VPS13B: variants seen among roughly 807,000 people sequenced by gnomAD.
VPS13B encodes the protein vacuolar protein sorting 13 homolog B, also known as intermembrane lipid transfer protein VPS13B.
In VPS13B, 285 loss-of-function variants were observed where a neutral mutation model predicts 426.4. The ratio of observed to expected loss-of-function variants is 0.67; its 90% CI spans 0.61 to 0.74. The LOEUF (loss-of-function observed/expected upper bound fraction) is 0.74. Ranked by LOEUF, VPS13B falls within the 30% of genes least tolerant of loss-of-function variation. VPS13B has a pLI of 0.00. For synonymous variants in VPS13B, 1,676 were observed against 1,676.4 expected, an observed-to-expected ratio of 1.00 and a Z score of 0.01; for missense variants, 4,537 against 4,782.6, an observed-to-expected ratio of 0.95 and a Z score of 1.51.
At chr8:99,568,302 T>TTA (rs1563801014) in intron 31 of VPS13B, among the ~76,000 whole-genome samples, 10 of 149,276 alleles carry the variant, frequency 6.7e-5, no homozygotes, top group African/African-American at 2.3e-4. Flanking sequence ...TATTATTATT[T>TTA]TTTTTTGAGA....
At chr8:99,796,418 A>G (rs1219329173) in intron 43 of VPS13B, among the ~76,000 whole-genome samples, 1 of 152,054 alleles carries the variant, frequency 6.6e-6, no homozygotes, top group Non-Finnish European at 1.5e-5. Flanking sequence ...TTTTAAATGG[A>G]AGAGAGTTAG....
chr8:99,728,415 C>T (rs998649907), intron 39 of VPS13B, among the ~76,000 whole-genome samples: 15 of 152,072 alleles, frequency 9.9e-5, no homozygotes, highest in African/African-American at 9.7e-5. Flanking sequence ...GAGCATTTAG[C>T]GTAATGCCTT....
At chr8:99,502,193 A>G (rs577205189) in intron 26 of VPS13B, among the ~76,000 whole-genome samples, 157 of 152,170 alleles carry the variant, frequency 1.0e-3, no homozygotes, top group African/African-American at 3.6e-3. Flanking sequence ...CATGTTGGTG[A>G]GGCTGGTCTT....
intron 35 of VPS13B, among the ~76,000 whole-genome samples, chr8:99,688,456 C>T (rs1831511681): frequency 6.6e-6 from 1 of 151,936 alleles, no homozygotes; most frequent in African/African-American, 2.4e-5. Context: ...CAGTTTTTGG[C>T]TTGGGACCAG....
chr8:99,121,230 C>G lies in VPS13B; in HGVS notation c.991C>G (p.Gln331Glu). The G allele has an allele frequency of 6.2e-7, 1 of 1,614,006 alleles. No homozygotes were observed. Residue 331 changes from glutamine to glutamate, a missense_variant, in exon 8 of 62, where the codon CAA becomes GAA. By Grantham distance (29) the Gln-to-Glu change is conservative. This residue lies in a region of VPS13B where 4,311 missense variants were observed against 4,474.3 expected (regional missense o/e 0.96). Transcript: ENST00000357162. ...DMQYPAQHKGQELYSQQDEEQ... is the reference protein window; with the variant it reads ...DMQYPAQHKGEELYSQQDEEQ... ...GCAATATCCTGCTCAGCATAAAGGT[C>G]AAGAGTTATATTCACAGCAAGATGA... is the stretch of plus-strand genomic sequence containing the variant.
intron 16 of VPS13B, among the ~76,000 whole-genome samples, chr8:99,180,281 A>T (rs1239654348): frequency 6.6e-6 from 1 of 152,200 alleles, no homozygotes; most frequent in East Asian, 1.9e-4. Flanking sequence ...TCGAGCAAGT[A>T]TAGTATATAG....
At chr8:99,519,941 A>C (rs1260321411) in intron 29 of VPS13B, among the ~76,000 whole-genome samples, 2 of 152,196 alleles carry the variant, frequency 1.3e-5, no homozygotes, top group East Asian at 3.8e-4. Flanking sequence ...CCTAGAACTT[A>C]AAGTATAATA....
intron 24 of VPS13B, among the ~76,000 whole-genome samples, chr8:99,477,378 T>C (rs1487141676): frequency 5.9e-5 from 9 of 152,186 alleles, no homozygotes; most frequent in Admixed American, 5.9e-4. Context: ...AAAATATATT[T>C]GTTGTAAGGA....
At chr8:99,247,732 G>C (rs1347048685) in intron 17 of VPS13B, among the ~76,000 whole-genome samples, 1 of 152,072 alleles carries the variant, frequency 6.6e-6, no homozygotes, top group Non-Finnish European at 1.5e-5. Flanking sequence ...ACTATAAGTA[G>C]TACACATACA....
At chr8:99,464,204 G>T (rs780807125) in intron 23 of VPS13B, among the ~76,000 whole-genome samples, 41 of 152,268 alleles carry the variant, frequency 2.7e-4, no homozygotes, top group Middle Eastern at 3.4e-3. Context: ...AAAAAACTGG[G>T]AGAAGAGGAA....
intron 3 of VPS13B, among the ~76,000 whole-genome samples, chr8:99,068,638 T>TG (rs1233191458): frequency 2.0e-5 from 3 of 152,134 alleles, no homozygotes; most frequent in Admixed American, 2.0e-4. Flanking sequence ...TCTGCATTGC[T>TG]GGGGAGGCCT....
At chr8:99,336,575 A>G (rs1268363598) in intron 19 of VPS13B, among the ~76,000 whole-genome samples, 1 of 152,156 alleles carries the variant, frequency 6.6e-6, no homozygotes, top group Non-Finnish European at 1.5e-5. Context: ...GAGTGCAGGC[A>G]ACCTACAAAA....
At position 99,556,608 on chromosome 8, in the gene VPS13B, A is replaced by G; in HGVS notation, c.4904A>G (p.Glu1635Gly). 1 of 1,613,240 alleles carries G rather than the reference A, an allele frequency of 6.2e-7. No homozygotes were observed. Among genetic ancestry groups the G allele is most frequent in the Non-Finnish European group, 8.5e-7 (1 of 1,179,488 alleles). The change falls in exon 31 of 62, where the codon GAA becomes GGA. Residue 1635 changes from glutamate (E) to glycine (G), a missense_variant. Coordinates refer to ENST00000357162, the MANE Select transcript of VPS13B (RefSeq NM_152564.5). The stretch of plus-strand genomic sequence containing the variant: ...TCAGGAGGGGTGGTAACAGAGACTG[A>G]AAGGAATTCTCAAAATCCAGCCCTT... ...SVSGGVVTET[E>G]RNSQNPALEW...
chr8:99,732,675 A>G (rs938183299), intron 39 of VPS13B, among the ~76,000 whole-genome samples: 2 of 152,252 alleles, frequency 1.3e-5, no homozygotes, highest in African/African-American at 4.8e-5. Flanking sequence ...TTCTTTGTCT[A>G]GTCTATGGTG....
At chr8:99,239,003 A>C (rs1436997294) in intron 17 of VPS13B, among the ~76,000 whole-genome samples, 2 of 152,194 alleles carry the variant, frequency 1.3e-5, no homozygotes, top group African/African-American at 4.8e-5. Context: ...ATTTCATCTG[A>C]GTAAGAATCA....
intron 19 of VPS13B, chr8:99,346,472 A>AC (rs1395789409): frequency 6.6e-6 from 1 of 152,114 alleles, no homozygotes; most frequent in Non-Finnish European, 1.5e-5. Context: ...TGACAACATT[A>AC]CCTAAGGAGT....
At chr8:99,483,431 G>C (rs944826761) in intron 25 of VPS13B, among the ~76,000 whole-genome samples, 2 of 152,118 alleles carry the variant, frequency 1.3e-5, no homozygotes, top group Non-Finnish European at 1.5e-5. Context: ...TAGAATTCCT[G>C]CAGTAAAAAA....
In VPS13B at chr8:99,633,806, G is replaced by GGTGTGTGTGTGTGTGTGT. The variant is rs139474452; in HGVS notation, c.5221-7989_5221-7972dup. 5.3e-3 allele frequency among the ~76,000 whole-genome samples: 756 copies of GGTGTGTGTGTGTGTGTGT among 143,938 alleles called. 8 individuals are homozygous for GGTGTGTGTGTGTGTGTGT. The highest frequency in any genetic ancestry group is 0.03 in the East Asian group (142 of 4,792). 94.4% of individuals were successfully genotyped at this position (143,938 alleles called of 152,430 possible). ...AGGTCCAAGTTGCCAGAATGTGTCAGGTGTGTGTGTGTGTGTGTGTGTGTG... is the reference window on the plus strand; with the variant it reads ...AGGTCCAAGTTGCCAGAATGTGTCAGGTGTGTGTGTGTGTGTGTGTGTGTGTGTGTGTGTGTGTGTGTG... On this transcript the variant is annotated intron_variant, in intron 33 of 61. Coordinates refer to ENST00000357162, the MANE Select transcript of VPS13B (RefSeq NM_152564.5).
chr8:99,515,869 G>A lies in VPS13B; in HGVS notation c.4633+4357G>A, dbSNP rs567905783. On this transcript the variant is annotated intron_variant, in intron 29 of 61. Coordinates refer to ENST00000357162, the MANE Select transcript of VPS13B (RefSeq NM_152564.5). ...CAAAGGTCTCATTAGTGAAAAGTAC[G>A]CTACTTTTTAAGGAGTTGCTTATCT... Among the ~76,000 whole-genome samples the A allele has an allele frequency of 4.6e-5, 7 of 152,142 alleles. No homozygotes were observed. In the South Asian group the frequency reaches 8.3e-4, roughly 18 times the overall value.
Sources: gnomAD v4.1 joint callset for allele counts (sites outside exome capture counted in the v4.1 genomes callset) on GRCh38, gnomAD v4.1.1 for gene constraint, gnomAD v4.1.1 regional missense constraint, MANE v1.5 for transcripts, NCBI Gene and HGNC (gene_info 2026-07-23, HGNC 2026-07-21) for gene names.